Variants in CRB1 observed in about 807,000 individuals in gnomAD.
CRB1 encodes protein crumbs homolog 1.
In CRB1, 83 loss-of-function variants were observed where a neutral mutation model predicts 120.0. That is an observed-to-expected ratio of 0.69 (90% confidence interval 0.58 to 0.83). CRB1 has a LOEUF of 0.83. Ranked by LOEUF, CRB1 falls within the 40% of genes least tolerant of loss-of-function variation. The pLI is 0.00. For missense variants in CRB1, 1,699 were observed against 1,687.6 expected, an observed-to-expected ratio of 1.01 and a Z score of -0.12; for synonymous variants, 625 against 612.5, an observed-to-expected ratio of 1.02 and a Z score of -0.30.
intron 2 of CRB1, among the ~76,000 whole-genome samples, chr1:197,329,998 G>A (rs1170828611): frequency 6.6e-6 from 1 of 151,936 alleles, no homozygotes; most frequent in African/African-American, 2.4e-5. Flanking sequence ...TCTTTATTTT[G>A]TCATTCTTTT....
chr1:197,271,107 G>A (rs1217452767), intron 1 of CRB1, among the ~76,000 whole-genome samples: 2 of 152,080 alleles, frequency 1.3e-5, no homozygotes, highest in Admixed American at 6.6e-5. Flanking sequence ...GCTGAGGTGG[G>A]AGGATCGCTT....
intron 5 of CRB1, among the ~76,000 whole-genome samples, chr1:197,367,091 T>C (rs115315052): frequency 0.016 from 2,381 of 152,330 alleles, 64 homozygotes; most frequent in African/African-American, 0.054. Context: ...AAATTTATAA[T>C]TGGAGAAGGC....
intron 1 of CRB1, among the ~76,000 whole-genome samples, chr1:197,298,929 G>A (rs542254650): frequency 2.0e-5 from 3 of 151,858 alleles, no homozygotes; most frequent in Non-Finnish European, 4.4e-5. Context: ...AAAAGCAAAA[G>A]AATATTTCAT....
Position 197,330,800 on chromosome 1 carries a change from CCA to C in CRB1, c.652+1798_652+1799del, listed in dbSNP as rs1351265445. The stretch of plus-strand genomic sequence containing the variant: ...TATATCTATGTTTTTGCACCCCCCC[CCA>C]AATGTTAGTTTCTAAAGGACAGAGT... On this transcript the variant is annotated intron_variant, in intron 2 of 11. Coordinates refer to ENST00000367400, the MANE Select transcript of CRB1 (RefSeq NM_201253.3). Among the ~76,000 whole-genome samples the C allele has an allele frequency of 3.9e-5, 6 of 152,192 alleles. No homozygotes were observed. In the East Asian group the frequency reaches 5.8e-4, roughly 15 times the overall value.
At chr1:197,214,318 T>C in the CRB1 span, among the ~76,000 whole-genome samples, 1 of 152,138 alleles carries the variant, frequency 6.6e-6, no homozygotes, top group Non-Finnish European at 1.5e-5. Flanking sequence ...TTTTTTTCAA[T>C]ATATACAGTC....
chr1:197,376,600 G>A (rs1432215443), intron 5 of CRB1, among the ~76,000 whole-genome samples: 1 of 152,098 alleles, frequency 6.6e-6, no homozygotes, highest in Non-Finnish European at 1.5e-5. Flanking sequence ...CCTTTAAGCT[G>A]TGTTTCAAGC....
At position 197,434,752 on chromosome 1, in the gene CRB1, C is replaced by A. The variant is rs905306614; in HGVS notation, c.2889C>A (p.Phe963Leu). 6.2e-7 allele frequency: 1 copy of A among 1,613,444 alleles called. No individual in the cohort carries two copies. Among genetic ancestry groups the A allele is most frequent in the African/African-American group, 1.3e-5 (1 of 74,876 alleles). The change falls in exon 9 of 12, where the codon TTC becomes TTA. Residue 963 changes from phenylalanine (F) to leucine (L), a missense_variant. By Grantham distance (22) the Phe-to-Leu change is conservative. Coordinates refer to ENST00000367400, the MANE Select transcript of CRB1 (RefSeq NM_201253.3). Reference protein sequence around the residue: ...VFNGQSGQILFRSNGNITREL... With the variant: ...VFNGQSGQILLRSNGNITREL... Reference sequence around the variant, plus strand: ...ATGGACAAAGCGGTCAAATATTATTCAGAAGCAATGGGAATATTACCAGAG... The same window carrying A: ...ATGGACAAAGCGGTCAAATATTATTAAGAAGCAATGGGAATATTACCAGAG...
At chr1:197,267,385 T>C (rs897342322), upstream of CRB1, among the ~76,000 whole-genome samples, 11 of 152,166 alleles carry the variant, frequency 7.2e-5, no homozygotes, top group African/African-American at 2.7e-4. Context: ...AACATTAAGC[T>C]GACTGTCAAA....
At chr1:197,223,035 A>G in the CRB1 span, 107 of 787,110 alleles carry the variant, frequency 1.4e-4, no homozygotes, top group South Asian at 1.4e-3. Flanking sequence ...CTTATGAGGA[A>G]GACAAGGACT....
chr1:197,318,948 ACAATGTATT>A (rs1309191246), intron 1 of CRB1, among the ~76,000 whole-genome samples: 1 of 152,164 alleles, frequency 6.6e-6, no homozygotes, highest in Non-Finnish European at 1.5e-5. Flanking sequence ...AGAGTTAACA[ACAATGTATT>A]ATATGTTCCA....
At chr1:197,417,094 G>C (rs1228876260) in intron 5 of CRB1, among the ~76,000 whole-genome samples, 1 of 152,204 alleles carries the variant, frequency 6.6e-6, no homozygotes, top group Non-Finnish European at 1.5e-5. Context: ...TCGTTGGAGA[G>C]GCTTGCTGCT....
chr1:197,453,526 A>ATG (rs1666082258), intron 11 of CRB1, among the ~76,000 whole-genome samples: 1 of 44,794 alleles, frequency 2.2e-5, no homozygotes, highest in Non-Finnish European at 5.8e-5. Context: ...GTGTGTGTGT[A>ATG]TATATATATA....
At chr1:197,272,068 G>A (rs1440086522) in intron 1 of CRB1, among the ~76,000 whole-genome samples, 6 of 152,048 alleles carry the variant, frequency 3.9e-5, no homozygotes, top group Non-Finnish European at 8.8e-5. Context: ...ACTTTCTAAA[G>A]TACTAAAAGA....
At chr1:197,473,903 G>A (rs1435562218) in intron 11 of CRB1, among the ~76,000 whole-genome samples, 1 of 150,720 alleles carries the variant, frequency 6.6e-6, no homozygotes. Context: ...AAAGGGCCCT[G>A]AAGAGGCGAT....
intron 4 of CRB1, among the ~76,000 whole-genome samples, chr1:197,352,488 C>T (rs1571886582): frequency 1.3e-5 from 2 of 152,076 alleles, no homozygotes; most frequent in African/African-American, 4.8e-5. Context: ...TTCAATAAGT[C>T]CATTGTGGCA....
At chr1:197,231,429 C>T in the CRB1 span, among the ~76,000 whole-genome samples, 1 of 152,064 alleles carries the variant, frequency 6.6e-6, no homozygotes, top group African/African-American at 2.4e-5. Flanking sequence ...AGACATGAAA[C>T]TGGATTCTGG....
At chr1:197,469,169 A>G (rs2125560112) in intron 11 of CRB1, among the ~76,000 whole-genome samples, 1 of 152,290 alleles carries the variant, frequency 6.6e-6, no homozygotes, top group South Asian at 2.1e-4. Context: ...GCAGTGAGCC[A>G]AGATCATGCC....
chr1:197,442,535 G>A, intron 11 of CRB1: 13 of 1,442,078 alleles, frequency 9.0e-6, no homozygotes, highest in Non-Finnish European at 1.2e-5. Flanking sequence ...AATAATTAAG[G>A]TAAATTCAAG....
chr1:197,251,894 G>T, the CRB1 span, among the ~76,000 whole-genome samples: 1 of 152,002 alleles, frequency 6.6e-6, no homozygotes, highest in Non-Finnish European at 1.5e-5. Context: ...ATATTCTCTT[G>T]TAGTTATATT....
Sources: allele counts gnomAD v4.1 joint callset (sites outside exome capture counted in the v4.1 genomes callset), GRCh38; gene constraint gnomAD v4.1.1; transcripts MANE v1.5; gene names NCBI Gene and HGNC (gene_info 2026-07-23, HGNC 2026-07-21).